CHLSN: variants seen among roughly 807,000 people sequenced by gnomAD.
CHLSN encodes the protein protein cholesin.
the CHLSN span, among the ~76,000 whole-genome samples, chr7:1,030,779 C>T: frequency 6.6e-6 from 1 of 151,910 alleles, no homozygotes; most frequent in Non-Finnish European, 1.5e-5. Flanking sequence ...CTCTCTCTCT[C>T]CCCGGGCAGG....
At chr7:1,012,641 T>C in the CHLSN span, among the ~76,000 whole-genome samples, 9 of 152,222 alleles carry the variant, frequency 5.9e-5, no homozygotes, top group Non-Finnish European at 1.2e-4. Context: ...TGCCACCCAC[T>C]GCCCTGGGCT....
chr7:1,060,656 G>C, the CHLSN span, among the ~76,000 whole-genome samples: 3 of 152,190 alleles, frequency 2.0e-5, no homozygotes, highest in Admixed American at 6.5e-5. Flanking sequence ...TGGCTCCTGC[G>C]GGGAGCTCAG....
chr7:1,099,958 C>T, the CHLSN span, among the ~76,000 whole-genome samples: 2 of 152,278 alleles, frequency 1.3e-5, no homozygotes, highest in East Asian at 1.9e-4. Context: ...AGGGTGGGTT[C>T]GGAGTTCCAA....
chr7:982,989 G>A, the CHLSN span, among the ~76,000 whole-genome samples: 4 of 151,978 alleles, frequency 2.6e-5, no homozygotes, highest in Admixed American at 2.0e-4. Context: ...GAGGGCCCCC[G>A]TCCTGCCCTC....
At chr7:1,092,457 G>A in the CHLSN span, 2 of 1,608,058 alleles carry the variant, frequency 1.2e-6, no homozygotes, top group Non-Finnish European at 1.7e-6. Flanking sequence ...TGCTGGTCAG[G>A]GCGCACCGGC....
the CHLSN span, among the ~76,000 whole-genome samples, chr7:998,457 C>CT: frequency 0.14 from 13,719 of 95,054 alleles, 1,687 homozygotes; most frequent in Non-Finnish European, 0.18. Context: ...GTCTTAGATT[C>CT]TTTTTTTTTT....
the CHLSN span, among the ~76,000 whole-genome samples, chr7:1,060,105 C>A: frequency 1.3e-5 from 2 of 151,914 alleles, no homozygotes; most frequent in South Asian, 4.1e-4. Context: ...TGGCTGGAGA[C>A]CTTCCACCCA....
the CHLSN span, chr7:1,093,168 C>G: frequency 3.5e-6 from 2 of 573,384 alleles, no homozygotes; most frequent in African/African-American, 3.7e-5. Flanking sequence ...GCTGCACCTG[C>G]CTGCCGCTGC....
At chr7:1,073,978 C>T in the CHLSN span, among the ~76,000 whole-genome samples, 2 of 22,326 alleles carry the variant, frequency 9.0e-5, no homozygotes, top group African/African-American at 4.1e-4. Flanking sequence ...GACCCCTCAC[C>T]CCGCTGCCGT....
chr7:1,032,411 CCT>C, the CHLSN span, among the ~76,000 whole-genome samples: 1 of 151,906 alleles, frequency 6.6e-6, no homozygotes, highest in South Asian at 2.1e-4. Flanking sequence ...GCCAGGAGGC[CCT>C]GAGAAGTGGA....
At chr7:1,132,430 C>A in the CHLSN span, among the ~76,000 whole-genome samples, 14 of 152,088 alleles carry the variant, frequency 9.2e-5, no homozygotes, top group African/African-American at 3.4e-4. Flanking sequence ...CTGTGGCTCA[C>A]GCCTCTAATC....
the CHLSN span, among the ~76,000 whole-genome samples, chr7:1,072,458 A>C: frequency 6.6e-6 from 1 of 152,218 alleles, no homozygotes; most frequent in South Asian, 2.1e-4. Context: ...CAGTCAAGGA[A>C]GGGCTGTGCG....
chr7:983,434 T>C, the CHLSN span: 1 of 1,381,472 alleles, frequency 7.2e-7, no homozygotes, highest in Non-Finnish European at 9.4e-7. Context: ...AGCTGCCGTG[T>C]CCTGGCCCCC....
the CHLSN span, among the ~76,000 whole-genome samples, chr7:1,032,510 G>A: frequency 0.041 from 4,921 of 119,960 alleles, 5 homozygotes; most frequent in Admixed American, 0.052. Flanking sequence ...GCAGCCACCC[G>A]CCCACACCGC....
At chr7:1,136,145 TATAA>T in the CHLSN span, among the ~76,000 whole-genome samples, 4 of 87,974 alleles carry the variant, frequency 4.5e-5, no homozygotes, top group African/African-American at 9.1e-5. Context: ...TACATAAATA[TATAA>T]ATATATATAC....
At chr7:981,322 G>T in the CHLSN span, among the ~76,000 whole-genome samples, 1 of 149,850 alleles carries the variant, frequency 6.7e-6, no homozygotes, top group Non-Finnish European at 1.5e-5. Context: ...GAAAAGAAAA[G>T]AAAAAGAGGC....
At chr7:983,988 C>A in the CHLSN span, among the ~76,000 whole-genome samples, 5 of 152,284 alleles carry the variant, frequency 3.3e-5, no homozygotes, top group African/African-American at 1.2e-4. Context: ...CCCCCAACTG[C>A]GGGCTGGGGT....
the CHLSN span, chr7:984,963 A>T: frequency 6.2e-7 from 1 of 1,603,726 alleles, no homozygotes; most frequent in Non-Finnish European, 8.5e-7. Flanking sequence ...TCTTCTTCTC[A>T]TCTGGGGCGC....
At chr7:1,111,071 G>C in the CHLSN span, among the ~76,000 whole-genome samples, 1 of 152,090 alleles carries the variant, frequency 6.6e-6, no homozygotes, top group African/African-American at 2.4e-5. Flanking sequence ...GCGAGACTCC[G>C]TCTCAAAAGA....
Sources: allele counts gnomAD v4.1 joint callset (sites outside exome capture counted in the v4.1 genomes callset), GRCh38; gene constraint gnomAD v4.1.1; transcripts MANE v1.5; gene names NCBI Gene and HGNC (gene_info 2026-07-23, HGNC 2026-07-21).